Variants in DGKB observed in about 807,000 individuals in gnomAD.
DGKB encodes the protein diacylglycerol kinase beta.
DGKB carries 67 observed loss-of-function variants against 114.3 expected under a neutral mutation model. The observed-to-expected ratio is 0.59, with a 90% CI of 0.48 to 0.72. The LOEUF (loss-of-function observed/expected upper bound fraction) is 0.72, where lower values mean the gene tolerates loss of function less well. Among genes scored for constraint, DGKB ranks in the 30% least tolerant of loss-of-function variants. The pLI is 0.00. For missense variants in DGKB, 907 were observed against 975.2 expected (o/e 0.93, Z 0.93); for synonymous variants, 398 against 323.1 (o/e 1.23, Z -2.49).
chr7:14,634,511 C>CAA (rs1293404728), intron 13 of DGKB, among the ~76,000 whole-genome samples: 20 of 150,798 alleles, frequency 1.3e-4, no homozygotes, highest in Non-Finnish European at 1.5e-5. Context: ...CACACACACA[C>CAA]ACACACTTGT....
intron 23 of DGKB, among the ~76,000 whole-genome samples, chr7:14,323,580 G>A (rs1322359911): frequency 2.0e-5 from 3 of 152,178 alleles, no homozygotes; most frequent in African/African-American, 7.2e-5. Context: ...AAAGAAGCAA[G>A]TGAGAAGCCA....
rs537680939 is a variant in DGKB, at chr7:14,757,735, T to G, written c.71-4A>C. ...TCCTTTAATTTCTTTGTAGAATCTATAAAAAACAGAAAACACAAAAATTGT... is the reference window on the plus strand; with the variant it reads ...TCCTTTAATTTCTTTGTAGAATCTAGAAAAAACAGAAAACACAAAAATTGT... On this transcript the variant is annotated splice_polypyrimidine_tract_variant and splice_region_variant and intron_variant, in intron 2 of 25. Coordinates refer to ENST00000402815, the MANE Select transcript of DGKB (RefSeq NM_001350709.2). 1 of 1,580,486 alleles carries G rather than the reference T, an allele frequency of 6.3e-7. No homozygotes were observed. The highest frequency in any genetic ancestry group is 1.7e-5 in the Admixed American group (1 of 58,916).
At chr7:14,253,646 G>A (rs10265888) in intron 23 of DGKB, among the ~76,000 whole-genome samples, 19,842 of 152,166 alleles carry the variant, frequency 0.13, 1,398 homozygotes, top group Non-Finnish European at 0.15. Context: ...ATACTGCGAT[G>A]TAAATGAAAT....
rs557188030 is a variant in DGKB at position 14,412,472 on chromosome 7, A to G, written c.1835+65689T>C. Among the ~76,000 whole-genome samples, 4 of 152,282 alleles carry G rather than the reference A, an allele frequency of 2.6e-5. No homozygotes were observed. The South Asian group carries it at 8.3e-4, about 32-fold the overall frequency. On this transcript the variant is annotated intron_variant, in intron 21 of 25. Coordinates refer to ENST00000402815, the MANE Select transcript of DGKB (RefSeq NM_001350709.2). ...AAAGTGCAAGACATACATAGCAAAA[A>G]GGGGAGGAAAGAGAGCCCGGGGAAA... is the stretch of plus-strand genomic sequence containing the variant.
intron 1 of DGKB, among the ~76,000 whole-genome samples, chr7:14,921,847 CA>C (rs2128247380): frequency 6.6e-6 from 1 of 152,274 alleles, no homozygotes; most frequent in East Asian, 1.9e-4. Flanking sequence ...TAGCAAGATA[CA>C]ATGTGATTAA....
At chr7:14,781,559 C>G (rs1295688820) in intron 2 of DGKB, among the ~76,000 whole-genome samples, 1 of 152,092 alleles carries the variant, frequency 6.6e-6, no homozygotes, top group African/African-American at 2.4e-5. Flanking sequence ...ACAATTTTTC[C>G]TTGGTTTTCC....
At chr7:14,866,151 T>C (rs1465935270) in intron 1 of DGKB, among the ~76,000 whole-genome samples, 1 of 152,158 alleles carries the variant, frequency 6.6e-6, no homozygotes, top group African/African-American at 2.4e-5. Context: ...AAGAGGAAGG[T>C]ACGGCGATTT....
chr7:14,305,866 T>C (rs1804379437), intron 23 of DGKB, among the ~76,000 whole-genome samples: 1 of 152,164 alleles, frequency 6.6e-6, no homozygotes, highest in Non-Finnish European at 1.5e-5. Context: ...ACCAGTCTAC[T>C]TGAATTTGTT....
chr7:14,426,593 G>A (rs1331924070), intron 21 of DGKB, among the ~76,000 whole-genome samples: 2 of 152,146 alleles, frequency 1.3e-5, no homozygotes, highest in Non-Finnish European at 2.9e-5. Context: ...TGGGATCTGA[G>A]TGATTTGTTG....
At chr7:14,163,185 G>A (rs918277220) in intron 25 of DGKB, among the ~76,000 whole-genome samples, 5 of 152,126 alleles carry the variant, frequency 3.3e-5, no homozygotes, top group Non-Finnish European at 7.3e-5. Context: ...AGGTGCAATG[G>A]TTTTGTTCCC....
intron 23 of DGKB, among the ~76,000 whole-genome samples, chr7:14,230,850 G>A (rs985105): frequency 6.6e-6 from 1 of 151,802 alleles, no homozygotes; most frequent in African/African-American, 2.4e-5. Flanking sequence ...CTAAGTCAAA[G>A]TACCTCAGGG....
chr7:14,961,151 A>C (rs1394389608), intron 1 of DGKB, among the ~76,000 whole-genome samples: 1 of 151,888 alleles, frequency 6.6e-6, no homozygotes, highest in African/African-American at 2.4e-5. Flanking sequence ...AATGCTTTCT[A>C]TTTCTGCTTT....
At chr7:14,595,215 A>C (rs1802367880) in intron 17 of DGKB, among the ~76,000 whole-genome samples, 1 of 152,106 alleles carries the variant, frequency 6.6e-6, no homozygotes, top group South Asian at 2.1e-4. Flanking sequence ...GAGGGTAAAT[A>C]TAGATCCTAG....
intron 2 of DGKB, among the ~76,000 whole-genome samples, chr7:14,821,476 T>C (rs2041407): frequency 0.35 from 52,786 of 151,992 alleles, 10,749 homozygotes; most frequent in Non-Finnish European, 0.45. Context: ...AGAGGTCTCA[T>C]AGAGGGGCTG....
At chr7:14,862,701 A>C (rs1381590858) in intron 1 of DGKB, among the ~76,000 whole-genome samples, 5 of 152,106 alleles carry the variant, frequency 3.3e-5, no homozygotes, top group Non-Finnish European at 7.4e-5. Context: ...CTTGTACTTA[A>C]AAGTACAGAA....
At chr7:14,537,851 C>T (rs368272086) in intron 20 of DGKB, among the ~76,000 whole-genome samples, 2 of 152,002 alleles carry the variant, frequency 1.3e-5, no homozygotes, top group Non-Finnish European at 2.9e-5. Flanking sequence ...GAGGCCAAGG[C>T]GGGTGGATCA....
chr7:14,361,831 A>G (rs900021345), intron 21 of DGKB, among the ~76,000 whole-genome samples: 7 of 152,062 alleles, frequency 4.6e-5, no homozygotes, highest in Non-Finnish European at 7.4e-5. Flanking sequence ...AATTTGCATT[A>G]CCATCAACAA....
intron 20 of DGKB, among the ~76,000 whole-genome samples, chr7:14,573,589 T>C (rs1044757145): frequency 4.6e-5 from 7 of 152,026 alleles, no homozygotes; most frequent in African/African-American, 1.7e-4. Flanking sequence ...TATTTTTAGA[T>C]TTCATAATCA....
At chr7:14,824,869 T>G (rs1845438167) in intron 2 of DGKB, among the ~76,000 whole-genome samples, 1 of 151,288 alleles carries the variant, frequency 6.6e-6, no homozygotes, top group Admixed American at 6.6e-5. Context: ...TGTAATAATA[T>G]AATCCATCCC....
Sources: allele counts gnomAD v4.1 joint callset (sites outside exome capture counted in the v4.1 genomes callset), GRCh38; gene constraint gnomAD v4.1.1; transcripts MANE v1.5; gene names NCBI Gene and HGNC (gene_info 2026-07-23, HGNC 2026-07-21).